The following MGAM2 variants were observed in gnomAD, a reference collection of about 807,000 sequenced individuals.
MGAM2 encodes the protein probable maltase-glucoamylase 2.
A neutral mutation model predicts 96.1 loss-of-function variants in MGAM2; 98 were observed. The ratio of observed to expected loss-of-function variants is 1.02; its 90% confidence interval spans 0.87 to 1.21. The LOEUF is 1.21. Among genes scored for constraint, MGAM2 ranks in the 50% most tolerant of loss-of-function variants. The pLI is 0.00. For synonymous variants in MGAM2, 749 were observed against 414.8 expected (o/e 1.81, Z -9.79); for missense variants, 2,055 against 1,182.4 (o/e 1.74, Z -10.82).
chr7:142,174,713 C>CTTTTTTTTTTTT (rs1410980226), intron 31 of MGAM2, among the ~76,000 whole-genome samples: 1 of 78,262 alleles, frequency 1.3e-5, no homozygotes, highest in Non-Finnish European at 2.3e-5. Context: ...CTCTCTCTCT[C>CTTTTTTTTTTTT]TCTTTTTTTT....
Position 142,136,565 on chromosome 7 carries a change from C to G in MGAM2, c.772C>G (p.His258Asp). The change falls in exon 8 of 48, where the codon CAT (histidine) becomes GAT (aspartate). Residue 258 changes from histidine to aspartate, a missense_variant. Physicochemically the swap from His to Asp is moderately conservative, Grantham distance 81. Coordinates refer to ENST00000477922, the MANE Select transcript of MGAM2 (RefSeq NM_001293626.2). ...GGGCATGATTAATCTGTATGGAGCTCATACATTCTTCTTGTGCCTTGAAGA... is the reference window on the plus strand; with the variant it reads ...GGGCATGATTAATCTGTATGGAGCTGATACATTCTTCTTGTGCCTTGAAGA... ...TEGMINLYGA[H>D]TFFLCLEDAR... 1 of 702,032 alleles carries G rather than the reference C, an allele frequency of 1.4e-6. No homozygotes were observed. Among genetic ancestry groups the G allele is most frequent in the Non-Finnish European group, 2.6e-6 (1 of 384,254 alleles). The allele number at this position is 702,032 out of a possible 1,614,324, so 43.5% of individuals were successfully genotyped here. A position where few individuals can be genotyped will look rare whatever the true frequency, so the allele number is the denominator to read the frequency against.
chr7:142,184,016 A>G (rs1402539731), intron 33 of MGAM2, among the ~76,000 whole-genome samples: 1 of 113,244 alleles, frequency 8.8e-6, no homozygotes, highest in Non-Finnish European at 1.7e-5. Context: ...TCTGTTACCC[A>G]GGCTGGAGTG....
intron 26 of MGAM2, 60 bp downstream of exon 26, chr7:142,167,546 A>G (rs1796065753): frequency 1.4e-6 from 1 of 698,310 alleles, no homozygotes; most frequent in Non-Finnish European, 2.6e-6. Flanking sequence ...ACAGTGCTGT[A>G]TGGATAGAAG....
In MGAM2 at chr7:142,132,346, A is replaced by AATATAATTTATATAATATATAATTACAT. The variant is rs963606036; in HGVS notation, c.575+287_575+314dup. 5.5e-5 allele frequency among the ~76,000 whole-genome samples: 8 copies of AATATAATTTATATAATATATAATTACAT among 145,426 alleles called. No homozygotes were observed. In the East Asian group the frequency reaches 9.8e-4, roughly 18 times the overall value. On this transcript the variant is annotated intron_variant, in intron 6 of 47. Transcript: ENST00000477922. Reference sequence around the variant, plus strand: ...TATAATACATAATTATATGTAATTTAATATAATTTATATAATATATAATTA... The same window carrying AATATAATTTATATAATATATAATTACAT: ...TATAATACATAATTATATGTAATTTAATATAATTTATATAATATATAATTACATATATAATTTATATAATATATAATTA...
intron 3 of MGAM2, among the ~76,000 whole-genome samples, chr7:142,124,054 C>T (rs765951035): frequency 1.4e-5 from 2 of 144,534 alleles, no homozygotes; most frequent in Non-Finnish European, 3.0e-5. Flanking sequence ...CTCACTGCAA[C>T]CTCCACCTCC....
At chr7:142,211,539 A>G (rs1439442227) in intron 46 of MGAM2, among the ~76,000 whole-genome samples, 4 of 152,248 alleles carry the variant, frequency 2.6e-5, no homozygotes, top group African/African-American at 9.6e-5. Flanking sequence ...GAACTTCGTG[A>G]AGCAAACACA....
rs966543041 is a variant in MGAM2 at position 142,157,949 on chromosome 7, G to A, written c.1936G>A (p.Ala646Thr). 2.3e-5 allele frequency: 16 copies of A among 702,726 alleles called. No homozygotes were observed. Among genetic ancestry groups the A allele is most frequent in the African/African-American group, 2.1e-4 (12 of 57,226 alleles). The allele number at this position is 702,726 out of a possible 1,614,324, so 43.5% of individuals were successfully genotyped here. The change falls in exon 18 of 48, where the codon GCT becomes ACT. Residue 646 changes from alanine to threonine, a missense_variant. Transcript: ENST00000477922. ...NGPGFRDQDP[A>T]AFGVDSLLLK... ...CATTTTCTCCTAGGACCAGGATCCC[G>A]CTGCCTTTGGTGTTGATTCCCTGCT...
chr7:142,139,659 CAAA>C (rs765007343), intron 10 of MGAM2, among the ~76,000 whole-genome samples: 12 of 54,558 alleles, frequency 2.2e-4, no homozygotes, highest in East Asian at 1.7e-3. Flanking sequence ...GGCTCTATCT[CAAA>C]AAAAAAAAAA....
chr7:142,217,481 T>C (rs74904828), intron 46 of MGAM2, among the ~76,000 whole-genome samples: 1,624 of 152,290 alleles, frequency 0.011, 34 homozygotes, highest in African/African-American at 0.037. Context: ...AGAATACTTA[T>C]GATATAGGGA....
intron 45 of MGAM2, among the ~76,000 whole-genome samples, chr7:142,207,081 T>C (rs903381449): frequency 1.4e-4 from 21 of 152,194 alleles, no homozygotes; most frequent in Non-Finnish European, 2.2e-4. Context: ...AGAGAATATG[T>C]TGGAATACTG....
At chr7:142,114,038 G>C (rs1817268037) in intron 1 of MGAM2, among the ~76,000 whole-genome samples, 2 of 151,680 alleles carry the variant, frequency 1.3e-5, no homozygotes, top group South Asian at 4.2e-4. Flanking sequence ...GGCTGAGGCG[G>C]GAGAATCACT....
intron 12 of MGAM2, among the ~76,000 whole-genome samples, chr7:142,143,454 A>G (rs952310538): frequency 6.6e-6 from 1 of 152,198 alleles, no homozygotes; most frequent in Non-Finnish European, 1.5e-5. Context: ...GAAAAATAAT[A>G]TATAGACTTT....
chr7:142,198,670 A>G lies in MGAM2; in HGVS notation c.4979A>G (p.His1660Arg), dbSNP rs1175909281. The part of the protein sequence containing the change: ...QRKILKAPLD[H>R]INLHVRGGYI... ...AAAATCCTGAAGGCTCCCCTTGACCACATCAACCTTCATGTCAGAGGAGGC... is the reference window on the plus strand; with the variant it reads ...AAAATCCTGAAGGCTCCCCTTGACCGCATCAACCTTCATGTCAGAGGAGGC... The change falls in exon 44 of 48, where the codon CAC becomes CGC. Residue 1660 changes from histidine to arginine, a missense_variant. Transcript: ENST00000477922. 3 of 703,772 alleles carry G rather than the reference A, an allele frequency of 4.3e-6. No individual in the cohort carries two copies. In the Admixed American group the frequency reaches 6.0e-5, roughly 14 times the overall value. The allele number at this position is 703,772 out of a possible 1,614,324, so 43.6% of individuals were successfully genotyped here. A position where few individuals can be genotyped will look rare whatever the true frequency, so the allele number is the denominator to read the frequency against.
At position 142,211,885 on chromosome 7, in the gene MGAM2, A is replaced by C. The variant is rs978270481; in HGVS notation, c.5187+3263A>C. Among the ~76,000 whole-genome samples, 57 of 152,314 alleles carry C rather than the reference A, an allele frequency of 3.7e-4. 1 individual carries two copies. The highest frequency in any genetic ancestry group is 3.5e-3 in the Admixed American group (53 of 15,308). On this transcript the variant is annotated intron_variant, in intron 46 of 47. Coordinates refer to ENST00000477922, the MANE Select transcript of MGAM2 (RefSeq NM_001293626.2). Reference sequence around the variant, plus strand: ...AAGAAGAGCAACCCCACGACACATAATTGTCAGATTCACCAAGGTTGAAAT... The same window carrying C: ...AAGAAGAGCAACCCCACGACACATACTTGTCAGATTCACCAAGGTTGAAAT...
intron 46 of MGAM2, among the ~76,000 whole-genome samples, chr7:142,214,510 A>G (rs1797687237): frequency 6.6e-6 from 1 of 152,066 alleles, no homozygotes; most frequent in African/African-American, 2.4e-5. Context: ...TCGATACACC[A>G]ATAATAGACA....
intron 7 of MGAM2, 24 bp downstream of exon 7, chr7:142,134,176 A>G: frequency 1.4e-6 from 1 of 720,376 alleles, no homozygotes; most frequent in Non-Finnish European, 2.5e-6. Context: ...CCTCCTGAGT[A>G]TCGCCCACAG....
chr7:142,191,145 A>G (rs975138996), intron 37 of MGAM2, among the ~76,000 whole-genome samples: 6 of 146,696 alleles, frequency 4.1e-5, no homozygotes, highest in Non-Finnish European at 7.5e-5. Context: ...AAAAAAAAAA[A>G]TTATTGGATC....
intron 45 of MGAM2, among the ~76,000 whole-genome samples, chr7:142,206,698 G>A (rs1040794929): frequency 2.1e-4 from 32 of 152,258 alleles, no homozygotes; most frequent in African/African-American, 7.7e-4. Flanking sequence ...AATAGTACCT[G>A]AAACTTTCAA....
At chr7:142,171,246 C>G in intron 27 of MGAM2, 26 bp from the exon 28 acceptor site, 3 of 702,036 alleles carry the variant, frequency 4.3e-6, no homozygotes, top group Non-Finnish European at 5.2e-6. Context: ...GTCTCCAGCT[C>G]AGCGTGATCT....
Sources: gnomAD v4.1 joint callset for allele counts (sites outside exome capture counted in the v4.1 genomes callset) on GRCh38, gnomAD v4.1.1 for gene constraint, MANE v1.5 for transcripts, NCBI Gene and HGNC (gene_info 2026-07-23, HGNC 2026-07-21) for gene names.